The following CTNNA2 variants were observed in gnomAD, a reference collection of about 807,000 sequenced individuals.
The protein encoded by CTNNA2 is catenin alpha-2.
Under a neutral mutation model 101.0 loss-of-function variants are expected in CTNNA2, and 42 were observed. The ratio of observed to expected loss-of-function variants is 0.42; its 90% confidence interval spans 0.32 to 0.54. The LOEUF is 0.54. Among genes scored for constraint, CTNNA2 ranks in the 20% least tolerant of loss-of-function variants. The pLI is 0.14. For synonymous variants in CTNNA2, 450 were observed against 456.4 expected (o/e 0.99, Z 0.18); for missense variants, 871 against 1,223.1 (o/e 0.71, Z 4.29).
intron 7 of CTNNA2, among the ~76,000 whole-genome samples, chr2:80,114,997 A>T (rs532008850): frequency 1.3e-5 from 2 of 152,324 alleles, no homozygotes; most frequent in East Asian, 3.9e-4. Context: ...TTTACACCTC[A>T]GGAAATGGTC....
rs78775405 is a variant in CTNNA2 at position 80,341,630 on chromosome 2, T to C, written c.1057-51581T>C. Among the ~76,000 whole-genome samples, 535 of 152,270 alleles carry C rather than the reference T, an allele frequency of 3.5e-3. 5 individuals are homozygous for C. Among genetic ancestry groups the C allele is most frequent in the African/African-American group, 0.012 (507 of 41,564 alleles). ...GGACAATAATAAGTGTGGGAGAGGA[T>C]ATGGAGAAATTAGAACCCTCACTCA... On this transcript the variant is annotated intron_variant, in intron 7 of 18. Coordinates refer to ENST00000402739, the MANE Select transcript of CTNNA2 (RefSeq NM_001282597.3).
intron 6 of CTNNA2, among the ~76,000 whole-genome samples, chr2:79,877,034 C>G (rs1683076007): frequency 6.6e-6 from 1 of 151,170 alleles, no homozygotes; most frequent in Admixed American, 6.6e-5. Flanking sequence ...TCTATATTAA[C>G]TAATTATATT....
upstream of CTNNA2, among the ~76,000 whole-genome samples, chr2:79,510,242 C>T (rs1671506765): frequency 6.6e-6 from 1 of 152,068 alleles, no homozygotes; most frequent in African/African-American, 2.4e-5. Flanking sequence ...AAGAAAATTG[C>T]TTGTTTTTCT....
intron 2 of CTNNA2, among the ~76,000 whole-genome samples, chr2:79,704,613 C>T (rs998082073): frequency 6.7e-6 from 1 of 150,308 alleles, no homozygotes; most frequent in Non-Finnish European, 1.5e-5. Flanking sequence ...CCCGGGTTCA[C>T]GCCATTCTCC....
chr2:79,961,750 G>T lies in CTNNA2; in HGVS notation c.1056+51953G>T, dbSNP rs533540812. Among the ~76,000 whole-genome samples the T allele has an allele frequency of 7.2e-5, 11 of 151,776 alleles. 1 individual carries two copies. The highest frequency in any genetic ancestry group is 2.4e-4 in the African/African-American group (10 of 41,392). On this transcript the variant is annotated intron_variant, in intron 7 of 18. Coordinates refer to ENST00000402739, the MANE Select transcript of CTNNA2 (RefSeq NM_001282597.3). ...GGCAAGAGAATGGCGTGAACCCGGG[G>T]GGCAGAGCCTGCGGTGAGCCGAGAT...
At chr2:79,762,563 A>G (rs1672865700) in intron 3 of CTNNA2, among the ~76,000 whole-genome samples, 1 of 152,234 alleles carries the variant, frequency 6.6e-6, no homozygotes. Flanking sequence ...ATTAAAGAGC[A>G]AAGATAAAAT....
In CTNNA2 at chr2:80,647,802, G is replaced by A. The variant is rs529691509; in HGVS notation, c.2792G>A (p.Arg931Gln). The A allele has an allele frequency of 6.2e-7, 1 of 1,613,542 alleles. No individual in the cohort carries two copies. Among genetic ancestry groups the A allele is most frequent in the African/African-American group, 1.3e-5 (1 of 74,904 alleles). Residue 931 changes from arginine to glutamine, a missense_variant, in exon 19 of 19, where the codon CGA (arginine) becomes CAA (glutamine). By Grantham distance (43) the Arg-to-Gln change is conservative (BLOSUM62 1). Around this residue, in one of 5 missense-constraint regions of CTNNA2, gnomAD observed 41 missense variants for 45.1 expected, o/e 0.91. Coordinates refer to ENST00000402739, the MANE Select transcript of CTNNA2 (RefSeq NM_001282597.3). ...GAAGAATTCCAGACACGAGTTCGAC[G>A]AGGTTCTCAGAAGAAACACATTTCG... ...KPEEFQTRVR[R>Q]GSQKKHISPV... is the part of the protein sequence containing the mutation.
intron 7 of CTNNA2, among the ~76,000 whole-genome samples, chr2:80,234,519 A>C (rs1283663207): frequency 6.6e-6 from 1 of 152,142 alleles, no homozygotes. Context: ...TGACCTCTCA[A>C]AGGTAAAGCA....
upstream of CTNNA2, among the ~76,000 whole-genome samples, chr2:79,509,438 G>A (rs1443988586): frequency 6.6e-6 from 1 of 152,030 alleles, no homozygotes; most frequent in Admixed American, 6.5e-5. Context: ...TAAAAACAGA[G>A]CTGTCAAGCC....
intron 7 of CTNNA2, among the ~76,000 whole-genome samples, chr2:79,935,122 A>G (rs531633336): frequency 6.6e-6 from 1 of 152,338 alleles, no homozygotes; most frequent in African/African-American, 2.4e-5. Context: ...AATAATGACT[A>G]CATTACTGAC....
At chr2:79,189,362 C>T (rs917715383) in intron 1 of CTNNA2, among the ~76,000 whole-genome samples, 3 of 151,870 alleles carry the variant, frequency 2.0e-5, no homozygotes, top group Non-Finnish European at 2.9e-5. Context: ...ATTATTTTCT[C>T]GAATATGCTT....
chr2:80,025,371 G>A (rs996585657), intron 7 of CTNNA2, among the ~76,000 whole-genome samples: 2 of 152,168 alleles, frequency 1.3e-5, no homozygotes, highest in African/African-American at 4.8e-5. Flanking sequence ...CCTGCTAGAT[G>A]TAAGGAAGCA....
intron 3 of CTNNA2, among the ~76,000 whole-genome samples, chr2:79,322,489 T>A (rs567504676): frequency 2.0e-5 from 3 of 152,208 alleles, no homozygotes; most frequent in Non-Finnish European, 4.4e-5. Context: ...GGATTTTGCA[T>A]TGTCAATTTT....
chr2:80,589,541 A>G (rs1186427294), intron 15 of CTNNA2, 56 bp downstream of exon 15: 5 of 1,539,008 alleles, frequency 3.2e-6, no homozygotes, highest in Non-Finnish European at 4.4e-6. Context: ...GAAGTGTAGC[A>G]GTGTGTATTA....
At chr2:80,200,872 T>C (rs576865567) in intron 7 of CTNNA2, among the ~76,000 whole-genome samples, 2 of 151,814 alleles carry the variant, frequency 1.3e-5, no homozygotes, top group East Asian at 1.9e-4. Flanking sequence ...GCCTTGGTTT[T>C]TTTTTTTCCT....
At chr2:79,752,923 T>C (rs751510230) in intron 3 of CTNNA2, among the ~76,000 whole-genome samples, 13 of 152,130 alleles carry the variant, frequency 8.5e-5, no homozygotes, top group Non-Finnish European at 1.0e-4. Context: ...AGAGAGGAAA[T>C]TTCTTTATCT....
At chr2:79,383,671 G>A (rs1678064518) in intron 4 of CTNNA2, among the ~76,000 whole-genome samples, 1 of 152,206 alleles carries the variant, frequency 6.6e-6, no homozygotes, top group Non-Finnish European at 1.5e-5. Flanking sequence ...GCCCTAGGTG[G>A]TTTTGGGCTT....
intron 7 of CTNNA2, among the ~76,000 whole-genome samples, chr2:79,933,116 T>A (rs1266089680): frequency 6.6e-6 from 1 of 152,156 alleles, no homozygotes; most frequent in Non-Finnish European, 1.5e-5. Context: ...CTTTATAGGG[T>A]TTTTGTTTTC....
intron 2 of CTNNA2, among the ~76,000 whole-genome samples, chr2:79,692,492 C>T (rs1684368795): frequency 6.6e-6 from 1 of 152,026 alleles, no homozygotes; most frequent in South Asian, 2.1e-4. Context: ...ACCAGACATA[C>T]CATTTGACCC....
Sources: allele counts gnomAD v4.1 joint callset (sites outside exome capture counted in the v4.1 genomes callset), GRCh38; gene constraint gnomAD v4.1.1; regional missense constraint gnomAD v4.1.1; transcripts MANE v1.5; gene names NCBI Gene and HGNC (gene_info 2026-07-23, HGNC 2026-07-21).